SHOC1: variants seen among roughly 807,000 people sequenced by gnomAD.
SHOC1 encodes the protein shortage in chiasmata 1.
SHOC1 carries 136 observed loss-of-function variants against 179.2 expected under a neutral mutation model. That is an observed-to-expected ratio of 0.76 (90% CI 0.66 to 0.87). The LOEUF (loss-of-function observed/expected upper bound fraction) is 0.87, where lower values mean the gene tolerates loss of function less well. SHOC1 is among the 40% of genes least tolerant of loss of function. The pLI is 0.00. For synonymous variants in SHOC1, 489 were observed against 586.6 expected, an observed-to-expected ratio of 0.83 and a Z score of 2.41; for missense variants, 1,538 against 1,700.8, an observed-to-expected ratio of 0.90 and a Z score of 1.68.
intron 27 of SHOC1, 69 bp from the exon 28 acceptor site, chr9:111,686,939 C>CTTTTTT: frequency 2.7e-5 from 14 of 520,066 alleles, no homozygotes; most frequent in East Asian, 5.2e-5. Flanking sequence ...TTTTCTTTTC[C>CTTTTTT]TTTTTTTTTT....
intron 24 of SHOC1, among the ~76,000 whole-genome samples, chr9:111,698,432 C>A (rs913316204): frequency 5.9e-5 from 9 of 152,170 alleles, no homozygotes; most frequent in Non-Finnish European, 1.3e-4. Context: ...TTTCCCAGCA[C>A]CATTTATTAA....
intron 8 of SHOC1, among the ~76,000 whole-genome samples, chr9:111,751,710 A>C (rs1834597470): frequency 6.6e-6 from 1 of 152,166 alleles, no homozygotes; most frequent in African/African-American, 2.4e-5. Context: ...TGAGGTTATA[A>C]TTGATTTCTT....
intron 22 of SHOC1, among the ~76,000 whole-genome samples, chr9:111,702,509 G>A (rs965503720): frequency 1.3e-5 from 2 of 152,188 alleles, no homozygotes; most frequent in East Asian, 1.9e-4. Flanking sequence ...AGTTTGGCAC[G>A]CCATAGGCTA....
chr9:111,721,261 A>G (rs1168612182), intron 15 of SHOC1, among the ~76,000 whole-genome samples: 2 of 152,200 alleles, frequency 1.3e-5, no homozygotes, highest in Non-Finnish European at 2.9e-5. Flanking sequence ...TGAATGCAGC[A>G]TAGTAGTCCC....
intron 22 of SHOC1, among the ~76,000 whole-genome samples, chr9:111,703,557 T>G (rs911212145): frequency 1.3e-5 from 2 of 152,178 alleles, no homozygotes; most frequent in Non-Finnish European, 2.9e-5. Context: ...ACTATCTCCT[T>G]GTAATAAAAG....
chr9:111,697,138 G>A (rs1212383661), intron 24 of SHOC1, among the ~76,000 whole-genome samples: 12 of 151,510 alleles, frequency 7.9e-5, no homozygotes, highest in Admixed American at 5.3e-4. Context: ...AGAATGGGAG[G>A]AGAGATGATG....
chr9:111,734,151 T>A (rs1280556642), intron 12 of SHOC1, among the ~76,000 whole-genome samples: 3 of 152,230 alleles, frequency 2.0e-5, no homozygotes, highest in Non-Finnish European at 4.4e-5. Flanking sequence ...TTCATTTTTT[T>A]ACAAATTGAA....
chr9:111,740,083 A>AT (rs1227354136), intron 11 of SHOC1, among the ~76,000 whole-genome samples: 3 of 152,068 alleles, frequency 2.0e-5, no homozygotes, highest in South Asian at 2.1e-4. Flanking sequence ...CTTAAGAGAA[A>AT]TTTTTTTTCT....
chr9:111,724,294 GTCCCAAACCTTCCCTATT>G (rs2131421883), intron 13 of SHOC1, among the ~76,000 whole-genome samples: 1 of 151,982 alleles, frequency 6.6e-6, no homozygotes, highest in Non-Finnish European at 1.5e-5. Flanking sequence ...CCTCTCCTCT[GTCCCAAACCTTCCCTATT>G]TCCATCTTTT....
At chr9:111,722,888 G>A (rs758588531) in intron 14 of SHOC1, among the ~76,000 whole-genome samples, 8 of 151,940 alleles carry the variant, frequency 5.3e-5, no homozygotes, top group Admixed American at 2.6e-4. Flanking sequence ...TGCAACCTCC[G>A]TCTCCCGGAT....
chr9:111,794,533 G>A (rs1161143183), intron 1 of SHOC1, among the ~76,000 whole-genome samples: 2 of 152,120 alleles, frequency 1.3e-5, no homozygotes, highest in African/African-American at 4.8e-5. Context: ...GCAGTGAACC[G>A]AGATCGTGCC....
In SHOC1 at chr9:111,717,594, C is replaced by CAA. The variant is rs35014939; in HGVS notation, c.2236+588_2236+589dup. ...TGGGCAACAAAGCAAAACTCTGTCT[C>CAA]AAAAAAAAAAAAAAAAAGTCTAAAT... is the stretch of plus-strand genomic sequence containing the variant. On this transcript the variant is annotated intron_variant, in intron 16 of 27. Transcript: ENST00000682961. 8.1e-3 allele frequency among the ~76,000 whole-genome samples: 549 copies of CAA among 67,850 alleles called. 2 individuals carry two copies. Among genetic ancestry groups the CAA allele is most frequent in the Non-Finnish European group, 0.015 (422 of 27,650 alleles). The allele number at this position is 67,850 out of a possible 152,430, so 44.5% of individuals were successfully genotyped here. A position where few individuals can be genotyped will look rare whatever the true frequency, so the allele number is the denominator to read the frequency against.
intron 2 of SHOC1, among the ~76,000 whole-genome samples, chr9:111,787,456 A>G (rs1269931278): frequency 6.6e-6 from 1 of 152,254 alleles, no homozygotes; most frequent in African/African-American, 2.4e-5. Flanking sequence ...CAGGGATTCA[A>G]GACTTAAGTG....
intron 15 of SHOC1, among the ~76,000 whole-genome samples, chr9:111,721,191 C>T (rs1833030395): frequency 6.6e-6 from 1 of 152,184 alleles, no homozygotes; most frequent in African/African-American, 2.4e-5. Flanking sequence ...CCTTAATCCT[C>T]TATGAATTAC....
chr9:111,705,867 G>C (rs975199964), intron 20 of SHOC1, among the ~76,000 whole-genome samples: 4 of 151,950 alleles, frequency 2.6e-5, no homozygotes, highest in Non-Finnish European at 5.9e-5. Context: ...ATGGTCAAAA[G>C]ATATACACAG....
chr9:111,732,038 AT>A (rs1200302264), intron 12 of SHOC1, among the ~76,000 whole-genome samples: 3 of 152,202 alleles, frequency 2.0e-5, no homozygotes, highest in Non-Finnish European at 4.4e-5. Flanking sequence ...TGAACATGTA[AT>A]AAGATGCCCA....
At chr9:111,765,562 C>T (rs1304450330) in intron 5 of SHOC1, among the ~76,000 whole-genome samples, 2 of 152,034 alleles carry the variant, frequency 1.3e-5, no homozygotes, top group African/African-American at 4.8e-5. Context: ...TGCACTCCAG[C>T]CTGGGCGACA....
chr9:111,694,305 G>T lies in SHOC1; in HGVS notation c.3241C>A (p.His1081Asn). ...TCTCTCTTTGAGGTCATTAAACTGT[G>T]GTCAGCAATTTGTCGAATTATCAAG... ...TALIIRQIAD[H>N]SLMTSKRDPH... The change falls in exon 25 of 28, where the codon CAC becomes AAC. Residue 1081 changes from histidine (H) to asparagine (N), a missense_variant. Coordinates refer to ENST00000682961, the MANE Select transcript of SHOC1 (RefSeq NM_001378211.1). 6.2e-7 allele frequency: 1 copy of T among 1,610,962 alleles called. No homozygotes were observed. The highest frequency in any genetic ancestry group is 8.5e-7 in the Non-Finnish European group (1 of 1,177,746).
At chr9:111,760,169 T>C (rs1835073972) in intron 5 of SHOC1, among the ~76,000 whole-genome samples, 1 of 152,210 alleles carries the variant, frequency 6.6e-6, no homozygotes, top group Non-Finnish European at 1.5e-5. Context: ...ATTCTGGATA[T>C]TTCTGGAACT....
Sources: allele counts gnomAD v4.1 joint callset (sites outside exome capture counted in the v4.1 genomes callset), GRCh38; gene constraint gnomAD v4.1.1; transcripts MANE v1.5; gene names NCBI Gene and HGNC (gene_info 2026-07-23, HGNC 2026-07-21).